The following LUZP4 variants were observed in gnomAD, a reference collection of about 807,000 sequenced individuals.
LUZP4 encodes the protein HOM-TES-85 tumor antigen.
LUZP4 carries 11 observed loss-of-function variants against 8.5 expected under a neutral mutation model. The ratio of observed to expected loss-of-function variants is 1.30; its 90% CI spans 0.82 to 2.14. The LOEUF (loss-of-function observed/expected upper bound fraction) is 2.14, where lower values mean the gene tolerates loss of function less well. Among genes scored for constraint, LUZP4 ranks in the 30% most tolerant of loss-of-function variants. LUZP4 has a pLI of 0.00. For synonymous variants in LUZP4, 104 were observed against 79.4 expected, an observed-to-expected ratio of 1.31 and a Z score of -1.65; for missense variants, 276 against 229.7, an observed-to-expected ratio of 1.20 and a Z score of -1.30.
intron 1 of LUZP4, among the ~76,000 whole-genome samples, chrX:115,295,540 A>G (rs1426412430): frequency 8.9e-6 from 1 of 112,287 alleles, no homozygotes; most frequent in Non-Finnish European, 1.9e-5. Context: ...TTGTTTTTAG[A>G]TAACTAAACA....
Position 115,303,380 on chromosome X carries a change from G to C in LUZP4, c.304G>C (p.Gly102Arg). 1 of 1,185,570 alleles carries C rather than the reference G, an allele frequency of 8.4e-7. No individual in the cohort carries two copies. The highest frequency in any genetic ancestry group is 1.1e-6 in the Non-Finnish European group (1 of 881,357). ...PSQKPSGFKS[G>R]QHPLNGQPLI... The stretch of plus-strand genomic sequence containing the variant: ...CCAAAAACCTTCTGGATTCAAGTCT[G>C]GACAACACCCTTTAAATGGGCAGCC... The change falls in exon 3 of 4, where the codon GGA (glycine) becomes CGA (arginine). Residue 102 changes from glycine (G) to arginine (R), a missense_variant. Physicochemically the swap from Gly to Arg is moderately radical, Grantham distance 125. Transcript: ENST00000371920.
intron 2 of LUZP4, 115 bp from the exon 3 acceptor site, chrX:115,303,185 A>G (rs1267760208): frequency 2.5e-6 from 1 of 394,647 alleles, no homozygotes; most frequent in African/African-American, 2.6e-5. Context: ...ATGAAATATC[A>G]AAAGTTTTGC....
rs781962297 is a variant in LUZP4, at chrX:115,306,727, A to G, written c.865A>G (p.Asn289Asp). 4 of 1,194,668 alleles carry G rather than the reference A, an allele frequency of 3.3e-6. No homozygotes were observed. Among genetic ancestry groups the G allele is most frequent in the Non-Finnish European group, 3.4e-6 (3 of 881,128 alleles). ...CGTGGCCACTGAGAGAGATCTCATAAATCAGTCAGGGAGATCTCATGGCCA... is the reference window on the plus strand; with the variant it reads ...CGTGGCCACTGAGAGAGATCTCATAGATCAGTCAGGGAGATCTCATGGCCA... ...DLVATERDLI[N>D]QSGRSHGQSE... The change falls in exon 4 of 4, where the codon AAT becomes GAT. Residue 289 changes from asparagine to aspartate, a missense_variant. By Grantham distance (23) the Asn-to-Asp change is conservative (BLOSUM62 1). Coordinates refer to ENST00000371920, the MANE Select transcript of LUZP4 (RefSeq NM_016383.5).
chrX:115,289,994 C>A, intron 1 of LUZP4, 144 bp downstream of exon 1: 1 of 407,762 alleles, frequency 2.5e-6, no homozygotes, highest in Non-Finnish European at 4.3e-6. Flanking sequence ...CATCTCCGCA[C>A]CTGCCCCACC....
intron 1 of LUZP4, among the ~76,000 whole-genome samples, chrX:115,294,983 T>C (rs781786118): frequency 4.4e-5 from 5 of 112,502 alleles, no homozygotes; most frequent in South Asian, 7.4e-4. Context: ...TATTTATACC[T>C]TTTTAGACAG....
rs2073403022 is a variant in LUZP4, at chrX:115,302,698, AT to A, written c.223+576del. Among the ~76,000 whole-genome samples the A allele has an allele frequency of 2.7e-5, 3 of 112,939 alleles. No individual in the cohort carries two copies. The Admixed American group carries it at 2.8e-4, about 11-fold the overall frequency. On this transcript the variant is annotated intron_variant, in intron 2 of 3. Transcript: ENST00000371920. ...GAACCATTTTGACATTGTGATTACTATAAGCCCCGACAGTTGCCTATGCAGC... is the reference window on the plus strand; with the variant it reads ...GAACCATTTTGACATTGTGATTACTAAAGCCCCGACAGTTGCCTATGCAGC...
chrX:115,292,372 C>T (rs782710838), intron 1 of LUZP4, among the ~76,000 whole-genome samples: 8 of 110,992 alleles, frequency 7.2e-5, no homozygotes, highest in Middle Eastern at 4.7e-3. Context: ...ACTAATTTTC[C>T]TCCATTGAAA....
intron 1 of LUZP4, among the ~76,000 whole-genome samples, chrX:115,295,213 C>T (rs2073365636): frequency 9.0e-6 from 1 of 111,528 alleles, no homozygotes; most frequent in Admixed American, 9.5e-5. Context: ...GTAGCTGGGA[C>T]CCTAGGTGTG....
chrX:115,291,186 C>G (rs1487068747), intron 1 of LUZP4, among the ~76,000 whole-genome samples: 1 of 110,910 alleles, frequency 9.0e-6, no homozygotes, highest in Non-Finnish European at 1.9e-5. Flanking sequence ...GCCTCAAGCT[C>G]TCAGGCTCAA....
At chrX:115,299,507 G>T (rs2073386162) in intron 1 of LUZP4, among the ~76,000 whole-genome samples, 1 of 111,514 alleles carries the variant, frequency 9.0e-6, no homozygotes, top group African/African-American at 3.3e-5. Flanking sequence ...CATACCACAA[G>T]ATGCAGTCCT....
At chrX:115,304,875 T>G (rs1433000880) in intron 3 of LUZP4, among the ~76,000 whole-genome samples, 7 of 111,593 alleles carry the variant, frequency 6.3e-5, no homozygotes, top group African/African-American at 2.3e-4. Context: ...ATAATTACAG[T>G]TTTCAATAAT....
chrX:115,289,946 G>A lies in LUZP4; in HGVS notation c.91+96G>A. 8.7e-6 allele frequency: 5 copies of A among 575,123 alleles called. No homozygotes were observed. The South Asian group carries it at 1.3e-4, about 15-fold the overall frequency. The allele number at this position is 575,123 out of a possible 1,213,427, so 47.4% of individuals were successfully genotyped here. A position where few individuals can be genotyped will look rare whatever the true frequency, so the allele number is the denominator to read the frequency against. On this transcript the variant is annotated intron_variant, in intron 1 of 3. Coordinates refer to ENST00000371920, the MANE Select transcript of LUZP4 (RefSeq NM_016383.5). ...GCGCTTACTAGAAGTGGCGTCGGGA[G>A]GAACACACCAGTTCGAGGAGAGGCT... is the stretch of plus-strand genomic sequence containing the variant.
At chrX:115,304,061 A>G (rs367861480) in intron 3 of LUZP4, among the ~76,000 whole-genome samples, 22 of 112,543 alleles carry the variant, frequency 2.0e-4, no homozygotes, top group East Asian at 1.9e-3. Context: ...TGTAAATGCA[A>G]ATGTTTATTT....
In LUZP4 at chrX:115,306,351, A is replaced by G. The variant is rs1556603849; in HGVS notation, c.489A>G (p.Arg163=). 3 of 1,211,576 alleles carry G rather than the reference A, an allele frequency of 2.5e-6. No individual in the cohort carries two copies. The East Asian group carries it at 8.9e-5, about 36-fold the overall frequency. The change falls in exon 4 of 4, where the codon CGA becomes CGG. Residue 163 remains arginine, a synonymous_variant. Transcript: ENST00000371920. The stretch of plus-strand genomic sequence containing the variant: ...AAAATCATCATTCTGAGCGATCCCG[A>G]AACCACTTAGAGAGATCTCTTTCTC... ...PEENHHSERS[R]NHLERSLSQS...
chrX:115,305,089 T>C (rs2073414480), intron 3 of LUZP4, among the ~76,000 whole-genome samples: 1 of 111,929 alleles, frequency 8.9e-6, no homozygotes, highest in Non-Finnish European at 1.9e-5. Context: ...TATATACTTA[T>C]TTCTTATATA....
At chrX:115,290,788 T>A (rs1192972422) in intron 1 of LUZP4, among the ~76,000 whole-genome samples, 1 of 107,208 alleles carries the variant, frequency 9.3e-6, no homozygotes, top group African/African-American at 3.4e-5. Flanking sequence ...TAGTTAGGGG[T>A]GTGTGTGTGT....
chrX:115,303,071 C>T (rs782533716), intron 2 of LUZP4, among the ~76,000 whole-genome samples: 1 of 111,067 alleles, frequency 9.0e-6, no homozygotes, highest in Non-Finnish European at 1.9e-5. Flanking sequence ...CCAAAATTGA[C>T]GTATTATATA....
chrX:115,297,919 T>C (rs951739331), intron 1 of LUZP4, among the ~76,000 whole-genome samples: 4 of 108,254 alleles, frequency 3.7e-5, no homozygotes, highest in African/African-American at 1.0e-4. Flanking sequence ...CGTTAAGCAA[T>C]TCTCCTGCCT....
Position 115,303,384 on chromosome X carries a change from A to C in LUZP4, c.308A>C (p.Gln103Pro), listed in dbSNP as rs1258537993. The C allele has an allele frequency of 5.1e-6, 6 of 1,182,047 alleles. No homozygotes were observed. The highest frequency in any genetic ancestry group is 6.8e-6 in the Non-Finnish European group (6 of 879,931). ...AAACCTTCTGGATTCAAGTCTGGACAACACCCTTTAAATGGGCAGCCTTTA... is the reference window on the plus strand; with the variant it reads ...AAACCTTCTGGATTCAAGTCTGGACCACACCCTTTAAATGGGCAGCCTTTA... Reference protein sequence around the residue: ...SQKPSGFKSGQHPLNGQPLIE... With the variant: ...SQKPSGFKSGPHPLNGQPLIE... Residue 103 changes from glutamine to proline, a missense_variant, in exon 3 of 4, where the codon CAA (glutamine) becomes CCA (proline). Coordinates refer to ENST00000371920, the MANE Select transcript of LUZP4 (RefSeq NM_016383.5).
Sources: gnomAD v4.1 joint callset for allele counts (sites outside exome capture counted in the v4.1 genomes callset) on GRCh38, gnomAD v4.1.1 for gene constraint, MANE v1.5 for transcripts, NCBI Gene and HGNC (gene_info 2026-07-23, HGNC 2026-07-21) for gene names.